Variants in HHLA2 observed in about 807,000 individuals in gnomAD.
HHLA2 encodes HERV-H LTR-associating protein 2.
Under a neutral mutation model 45.9 loss-of-function variants are expected in HHLA2, and 48 were observed. The ratio of observed to expected loss-of-function variants is 1.05; its 90% CI spans 0.83 to 1.33. The LOEUF is 1.33. Among genes scored for constraint, HHLA2 ranks in the 40% most tolerant of loss-of-function variants. HHLA2 has a pLI of 0.00. For synonymous variants in HHLA2, 161 were observed against 173.9 expected, an observed-to-expected ratio of 0.93 and a Z score of 0.59; for missense variants, 462 against 494.3, an observed-to-expected ratio of 0.93 and a Z score of 0.62.
chr3:108,330,222 A>G (rs945914737), intron 3 of HHLA2, among the ~76,000 whole-genome samples: 1 of 152,202 alleles, frequency 6.6e-6, no homozygotes. Context: ...TCTATTGGTT[A>G]TACAGACCAG....
chr3:108,306,930 A>G (rs560129312), intron 1 of HHLA2, among the ~76,000 whole-genome samples: 102 of 152,122 alleles, frequency 6.7e-4, no homozygotes, highest in African/African-American at 2.3e-3. Flanking sequence ...ATCTCGGCTC[A>G]CTGTAACCTC....
intron 1 of HHLA2, among the ~76,000 whole-genome samples, chr3:108,309,932 TG>T (rs1256347815): frequency 6.6e-6 from 1 of 152,184 alleles, no homozygotes; most frequent in Non-Finnish European, 1.5e-5. Flanking sequence ...AAAAAAGTTA[TG>T]TATTCAACCA....
chr3:108,322,436 C>T (rs1336098720), intron 2 of HHLA2, among the ~76,000 whole-genome samples: 2 of 152,120 alleles, frequency 1.3e-5, no homozygotes, highest in African/African-American at 2.4e-5. Context: ...CTTCTTAAAT[C>T]GTTTAAGAGT....
rs947785825 is a variant in HHLA2 at position 108,327,630 on chromosome 3, T to C, written c.-104-640T>C. On this transcript the variant is annotated intron_variant, in intron 2 of 10. Coordinates refer to ENST00000619531, the Ensembl canonical transcript of HHLA2. ...TTCACTTATTTCCCAGTTCTTGTAG[T>C]TTCTGTTTGGTTCTTTATCATGGTT... 2.6e-5 allele frequency among the ~76,000 whole-genome samples: 4 copies of C among 152,172 alleles called. No individual in the cohort carries two copies. The East Asian group carries it at 7.7e-4, about 29-fold the overall frequency.
intron 2 of HHLA2, chr3:108,326,940 C>T (rs1264976267): frequency 6.6e-6 from 1 of 152,170 alleles, no homozygotes; most frequent in Non-Finnish European, 1.5e-5. Context: ...TTTGAGCTTC[C>T]ACCTGGTATC....
At chr3:108,318,487 A>G (rs1349483204) in intron 2 of HHLA2, among the ~76,000 whole-genome samples, 1 of 152,218 alleles carries the variant, frequency 6.6e-6, no homozygotes, top group Non-Finnish European at 1.5e-5. Context: ...ATAATTCACC[A>G]GTTATATTGG....
chr3:108,308,016 T>A (rs2080958587), intron 1 of HHLA2, among the ~76,000 whole-genome samples: 1 of 152,222 alleles, frequency 6.6e-6, no homozygotes, highest in Admixed American at 6.5e-5. Context: ...TTACAAATAA[T>A]TCAATTACAC....
intron 3 of HHLA2, among the ~76,000 whole-genome samples, chr3:108,333,398 G>C (rs1171409400): frequency 6.6e-6 from 1 of 152,098 alleles, no homozygotes; most frequent in East Asian, 1.9e-4. Flanking sequence ...CCATAGAGTT[G>C]TCAGATTTAG....
At chr3:108,322,962 A>G (rs1019819803) in intron 2 of HHLA2, among the ~76,000 whole-genome samples, 1 of 152,064 alleles carries the variant, frequency 6.6e-6, no homozygotes, top group Non-Finnish European at 1.5e-5. Flanking sequence ...TTTTCCCATT[A>G]ACTACAGATT....
At chr3:108,369,769 G>A (rs922635418) in intron 8 of HHLA2, among the ~76,000 whole-genome samples, 3 of 152,292 alleles carry the variant, frequency 2.0e-5, no homozygotes, top group African/African-American at 7.2e-5. Flanking sequence ...TGGGGGAGGG[G>A]CACCCACCAT....
intron 8 of HHLA2, among the ~76,000 whole-genome samples, chr3:108,366,092 T>C (rs1201390612): frequency 1.3e-5 from 2 of 152,248 alleles, no homozygotes; most frequent in East Asian, 3.8e-4. Flanking sequence ...TTTTGCCCAT[T>C]CAGTATGATA....
At chr3:108,372,231 G>T (rs2082189964) in intron 8 of HHLA2, among the ~76,000 whole-genome samples, 1 of 152,152 alleles carries the variant, frequency 6.6e-6, no homozygotes, top group Non-Finnish European at 1.5e-5. Context: ...TGACGACTGG[G>T]TACATAATGA....
intron 2 of HHLA2, among the ~76,000 whole-genome samples, chr3:108,312,038 G>A (rs919303034): frequency 2.0e-5 from 3 of 152,284 alleles, no homozygotes; most frequent in East Asian, 1.9e-4. Context: ...GGCGGAAAAC[G>A]GGAGGGCTGG....
chr3:108,309,969 TA>T (rs1162189280), intron 1 of HHLA2, among the ~76,000 whole-genome samples: 14 of 152,180 alleles, frequency 9.2e-5, no homozygotes, highest in Non-Finnish European at 4.4e-5. Flanking sequence ...GGATTATTTA[TA>T]TTACATGGAT....
At chr3:108,310,095 C>A (rs906905658) in intron 1 of HHLA2, among the ~76,000 whole-genome samples, 2 of 152,030 alleles carry the variant, frequency 1.3e-5, no homozygotes, top group African/African-American at 2.4e-5. Flanking sequence ...TTTTGACATA[C>A]CCCTACTTTT....
chr3:108,346,544 T>C (rs924088401), intron 3 of HHLA2, among the ~76,000 whole-genome samples: 9 of 152,236 alleles, frequency 5.9e-5, no homozygotes, highest in Non-Finnish European at 1.3e-4. Flanking sequence ...TGAACTGGCA[T>C]AATGATGAGA....
chr3:108,303,341 A>G (rs1332836518), intron 1 of HHLA2, among the ~76,000 whole-genome samples: 1 of 152,156 alleles, frequency 6.6e-6, no homozygotes, highest in African/African-American at 2.4e-5. Flanking sequence ...CATCTCTTTC[A>G]TCTGAATTCA....
chr3:108,358,794 C>T (rs2081941624), intron 7 of HHLA2, among the ~76,000 whole-genome samples: 1 of 152,158 alleles, frequency 6.6e-6, no homozygotes, highest in Non-Finnish European at 1.5e-5. Flanking sequence ...TCATGGCAGA[C>T]CATGGCAGCT....
intron 7 of HHLA2, among the ~76,000 whole-genome samples, chr3:108,359,177 T>G (rs2081947708): frequency 6.6e-6 from 1 of 151,136 alleles, no homozygotes; most frequent in Non-Finnish European, 1.5e-5. Flanking sequence ...AATTTTGGAG[T>G]GTAAAAAAAA....
Sources: allele counts gnomAD v4.1 joint callset (sites outside exome capture counted in the v4.1 genomes callset), GRCh38; gene constraint gnomAD v4.1.1; transcripts MANE v1.5; gene names NCBI Gene and HGNC (gene_info 2026-07-23, HGNC 2026-07-21).